MTMR10: variants seen among roughly 807,000 people sequenced by gnomAD.
MTMR10 encodes the protein myotubularin related protein 10.
Under a neutral mutation model 88.1 loss-of-function variants are expected in MTMR10, and 56 were observed. That is an observed-to-expected ratio of 0.64 (90% CI 0.51 to 0.79). The LOEUF (loss-of-function observed/expected upper bound fraction) is 0.79, where lower values mean the gene tolerates loss of function less well. MTMR10 is among the 30% of genes least tolerant of loss of function. MTMR10 has a pLI of 0.00. For synonymous variants in MTMR10, 380 were observed against 340.9 expected, an observed-to-expected ratio of 1.11 and a Z score of -1.26; for missense variants, 883 against 924.7, an observed-to-expected ratio of 0.95 and a Z score of 0.58.
At chr15:30,973,209 T>C (rs1205771263) in intron 5 of MTMR10, among the ~76,000 whole-genome samples, 1 of 152,164 alleles carries the variant, frequency 6.6e-6, no homozygotes, top group African/African-American at 2.4e-5. Flanking sequence ...CTTTAAGAGT[T>C]ATCTAGTTGA....
chr15:30,953,586 T>C lies in MTMR10; in HGVS notation c.1112A>G (p.Asn371Ser). ...CCTTACATATTCTAACCATCGAGTA[T>C]TTTCCAGTGAAGATAACCATTTCTC... ...TEEKWLSSLE[N>S]TRWLEYVRAF... The change falls in exon 11 of 16, where the codon AAT (asparagine) becomes AGT (serine). Residue 371 changes from asparagine to serine, a missense_variant. Transcript: ENST00000435680. 6.5e-7 allele frequency: 1 copy of C among 1,546,400 alleles called. No individual in the cohort carries two copies. Among genetic ancestry groups the C allele is most frequent in the Non-Finnish European group, 8.8e-7 (1 of 1,141,770 alleles).
chr15:30,922,780 CTA>C, the MTMR10 span, among the ~76,000 whole-genome samples: 1 of 152,248 alleles, frequency 6.6e-6, no homozygotes, highest in Non-Finnish European at 1.5e-5. Flanking sequence ...GTTCCTTTCC[CTA>C]TCTTATTGCA....
At position 30,974,423 on chromosome 15, in the gene MTMR10, C is replaced by T; in HGVS notation, c.365G>A (p.Gly122Asp). 1 of 1,582,830 alleles carries T rather than the reference C, an allele frequency of 6.3e-7. No homozygotes were observed. Among genetic ancestry groups the T allele is most frequent in the East Asian group, 2.3e-5 (1 of 44,210 alleles). The change falls in exon 5 of 16, where the codon GGC (glycine) becomes GAC (aspartate). Residue 122 changes from glycine to aspartate, a missense_variant. Physicochemically the swap from Gly to Asp is moderately conservative, Grantham distance 94. This residue lies in a region of MTMR10 where 414 missense variants were observed against 423.2 expected (regional missense o/e 0.98). Transcript: ENST00000435680. ...ATTAAATTTCAGTTTCTGGTTGGGG[C>T]CTAGGACTTTCTGCTTCCTCTTGTG... The part of the protein sequence containing the change: ...NDHKRKQKVL[G>D]PNQKLKFNPT...
Position 30,991,414 on chromosome 15 carries a change from A to G in MTMR10, c.60+33T>C, listed in dbSNP as rs553223653. On this transcript the variant is annotated intron_variant, in intron 1 of 15. Transcript: ENST00000435680. The stretch of plus-strand genomic sequence containing the variant: ...TGGAGGCTCCACGGAAGCGCAGAGG[A>G]GAGTCGGGCGCTCGCGGGGAGGGGT... The G allele has an allele frequency of 4.6e-4, 669 of 1,460,090 alleles. 17 individuals are homozygous for G. The South Asian group carries it at 9.0e-3, about 20-fold the overall frequency. The allele number at this position is 1,460,090 out of a possible 1,614,324, so 90.4% of individuals were successfully genotyped here.
At position 30,939,906 on chromosome 15, in the gene MTMR10, G is replaced by A. The variant is rs2062981078; in HGVS notation, c.*1564C>T. ...GGCAACAAGTTGGCAAAAACCTTGGGTTTACCCATAAAGTGAATTTCTTAA... is the reference window on the plus strand; with the variant it reads ...GGCAACAAGTTGGCAAAAACCTTGGATTTACCCATAAAGTGAATTTCTTAA... On this transcript the variant is annotated 3_prime_UTR_variant, in exon 16 of 16. Coordinates refer to ENST00000435680, the MANE Select transcript of MTMR10 (RefSeq NM_017762.3). 1 of 985,214 alleles carries A rather than the reference G, an allele frequency of 1.0e-6. No homozygotes were observed. The highest frequency in any genetic ancestry group is 1.2e-6 in the Non-Finnish European group (1 of 829,886). The allele number at this position is 985,214 out of a possible 1,614,324, so 61.0% of individuals were successfully genotyped here. A position where few individuals can be genotyped will look rare whatever the true frequency, so the allele number is the denominator to read the frequency against.
intron 9 of MTMR10, chr15:30,956,113 A>G (rs2063324602): frequency 1.3e-5 from 2 of 152,206 alleles, no homozygotes; most frequent in African/African-American, 4.8e-5. Context: ...TTTTGGTGCA[A>G]TCTTTCTAGG....
the MTMR10 span, chr15:30,920,566 C>G: frequency 1.2e-6 from 2 of 1,611,774 alleles, no homozygotes; most frequent in Non-Finnish European, 1.7e-6. Flanking sequence ...ATTTACCACT[C>G]TTCCTGCGGT....
intron 2 of MTMR10, among the ~76,000 whole-genome samples, chr15:30,984,827 G>A (rs1168550305): frequency 2.0e-5 from 3 of 152,242 alleles, no homozygotes; most frequent in Non-Finnish European, 4.4e-5. Context: ...CAGGCTCAAC[G>A]GGCACTCAAG....
chr15:30,947,622 T>G (rs1235187583), intron 13 of MTMR10, among the ~76,000 whole-genome samples: 1 of 152,180 alleles, frequency 6.6e-6, no homozygotes, highest in East Asian at 1.9e-4. Context: ...TTCTTTAGAT[T>G]ATATAACAAA....
chr15:30,942,238 GA>G, intron 15 of MTMR10, 166 bp from the exon 16 acceptor site: 1 of 869,346 alleles, frequency 1.2e-6, no homozygotes, highest in South Asian at 1.7e-5. Context: ...TCCTCCCCTG[GA>G]ATTACACTTT....
At chr15:30,924,156 G>A in the MTMR10 span, among the ~76,000 whole-genome samples, 70 of 152,314 alleles carry the variant, frequency 4.6e-4, 1 homozygote, top group East Asian at 0.012. Context: ...AGCTTCACCC[G>A]CATCGTGGCA....
chr15:30,960,910 A>G lies in MTMR10; in HGVS notation c.729T>C (p.Ser243=). 6.2e-7 allele frequency: 1 copy of G among 1,611,858 alleles called. No individual in the cohort carries two copies. Among genetic ancestry groups the G allele is most frequent in the Non-Finnish European group, 8.5e-7 (1 of 1,178,416 alleles). Residue 243 remains serine (S), a synonymous_variant, in exon 7 of 16, where the codon TCT becomes TCC. Transcript: ENST00000435680. ...RTGASGWRVC[S]INEGYMISTC... is the part of the protein sequence containing the mutation. ...TGGATATCATGTAACCCTCGTTAAT[A>G]GAACAAACTCTCCACCCGGAAGCAC... is the stretch of plus-strand genomic sequence containing the variant.
the MTMR10 span, chr15:30,925,230 G>A: frequency 5.6e-6 from 9 of 1,614,130 alleles, no homozygotes; most frequent in Non-Finnish European, 7.6e-6. Flanking sequence ...TCTCCGAGCT[G>A]TAAAAAGTTC....
chr15:30,929,772 T>TAA, the MTMR10 span, among the ~76,000 whole-genome samples: 6 of 30,592 alleles, frequency 2.0e-4, no homozygotes, highest in African/African-American at 8.4e-4. Context: ...ATAAAATATA[T>TAA]AATATATTAT....
rs1216164735 is a variant in MTMR10, at chr15:30,941,621, G to A, written c.2183C>T (p.Thr728Ile). The change falls in exon 16 of 16, where the codon ACC becomes ATC. Residue 728 changes from threonine (T) to isoleucine (I), a missense_variant. Thr to Ile is a moderately conservative substitution (Grantham distance 89). Coordinates refer to ENST00000435680, the MANE Select transcript of MTMR10 (RefSeq NM_017762.3). ...GGAGAGAAACTCCGGTGTCCCCGAGGTGTCGGTGTGGTGAGGGCCGCTGGC... is the reference window on the plus strand; with the variant it reads ...GGAGAGAAACTCCGGTGTCCCCGAGATGTCGGTGTGGTGAGGGCCGCTGGC... ...FNASGPHHTD[T>I]SGTPEFLSSS... 6.2e-7 allele frequency: 1 copy of A among 1,604,960 alleles called. No homozygotes were observed. The highest frequency in any genetic ancestry group is 1.7e-5 in the Admixed American group (1 of 58,022).
the MTMR10 span, chr15:30,925,038 T>TA: frequency 7.2e-7 from 1 of 1,387,012 alleles, no homozygotes; most frequent in Non-Finnish European, 9.9e-7. Flanking sequence ...AATTCAATAA[T>TA]AAACAGTGGG....
At chr15:30,959,280 C>T (rs1448270252) in intron 7 of MTMR10, among the ~76,000 whole-genome samples, 159 bp from the exon 8 acceptor site, 4 of 152,212 alleles carry the variant, frequency 2.6e-5, no homozygotes, top group African/African-American at 4.8e-5. Flanking sequence ...GACGATCCTA[C>T]ACCTCTTAGT....
the MTMR10 span, among the ~76,000 whole-genome samples, chr15:30,923,730 T>C: frequency 1.4e-3 from 219 of 152,330 alleles, 2 homozygotes; most frequent in East Asian, 0.038. Flanking sequence ...CAGAGTCTCA[T>C]TCTCCCATCT....
the MTMR10 span, chr15:30,928,107 A>T: frequency 8.0e-6 from 8 of 999,824 alleles, no homozygotes; most frequent in South Asian, 2.6e-4. Context: ...GGCCTCCGGG[A>T]GGTCCCCTTA....
Sources: allele counts gnomAD v4.1 joint callset (sites outside exome capture counted in the v4.1 genomes callset), GRCh38; gene constraint gnomAD v4.1.1; regional missense constraint gnomAD v4.1.1; transcripts MANE v1.5; gene names NCBI Gene and HGNC (gene_info 2026-07-23, HGNC 2026-07-21).